ZC3H11C: variants seen among roughly 807,000 people sequenced by gnomAD.
ZC3H11C encodes zinc finger CCCH-type containing 11C, also known as zinc finger CCCH domain-containing protein 11C.
chr6:65,302,100 T>TTTTTG, the ZC3H11C span, among the ~76,000 whole-genome samples: 1 of 152,168 alleles, frequency 6.6e-6, no homozygotes, highest in South Asian at 2.1e-4. Flanking sequence ...TGAACTCTTT[T>TTTTTG]TTTTGTTTTG....
At chr6:65,302,001 T>A in the ZC3H11C span, among the ~76,000 whole-genome samples, 1 of 152,254 alleles carries the variant, frequency 6.6e-6, no homozygotes, top group Non-Finnish European at 1.5e-5. Context: ...ACTGAAAAAC[T>A]GATTTTTTTT....
the ZC3H11C span, among the ~76,000 whole-genome samples, chr6:65,306,030 C>T: frequency 6.6e-6 from 1 of 152,100 alleles, no homozygotes; most frequent in East Asian, 1.9e-4. Flanking sequence ...ATGTTGGTTT[C>T]CTTCATATCA....
At chr6:65,302,096 C>CT in the ZC3H11C span, among the ~76,000 whole-genome samples, 25 of 152,132 alleles carry the variant, frequency 1.6e-4, no homozygotes, top group South Asian at 8.3e-4. Flanking sequence ...TAAATGAACT[C>CT]TTTTTTTTGT....
chr6:65,306,020 A>G, the ZC3H11C span, among the ~76,000 whole-genome samples: 2 of 152,078 alleles, frequency 1.3e-5, no homozygotes, highest in African/African-American at 2.4e-5. Flanking sequence ...TCTTTTCTTG[A>G]TGTTGGTTTC....
At chr6:65,305,312 T>C in the ZC3H11C span, among the ~76,000 whole-genome samples, 1 of 152,226 alleles carries the variant, frequency 6.6e-6, no homozygotes. Context: ...TCCTTTGTTG[T>C]ATTCTTTATG....
the ZC3H11C span, among the ~76,000 whole-genome samples, chr6:65,305,214 C>CA: frequency 9.4e-3 from 1,424 of 152,094 alleles, 25 homozygotes; most frequent in African/African-American, 0.033. Context: ...CTTCTCTCCA[C>CA]AAAAAAGAGA....
At chr6:65,301,855 G>C in the ZC3H11C span, among the ~76,000 whole-genome samples, 1 of 152,200 alleles carries the variant, frequency 6.6e-6, no homozygotes, top group East Asian at 1.9e-4. Context: ...CAAGGTTCTG[G>C]ACCTTGAGAA....
the ZC3H11C span, among the ~76,000 whole-genome samples, chr6:65,305,634 G>T: frequency 6.6e-6 from 1 of 152,054 alleles, no homozygotes; most frequent in African/African-American, 2.4e-5. Flanking sequence ...TGCCTCAGGG[G>T]TCCCCTGAAA....
chr6:65,305,449 C>G, the ZC3H11C span, among the ~76,000 whole-genome samples: 3 of 152,278 alleles, frequency 2.0e-5, no homozygotes, highest in African/African-American at 7.2e-5. Context: ...GATTGTATGT[C>G]TTTTTAAAGG....
the ZC3H11C span, among the ~76,000 whole-genome samples, chr6:65,301,885 A>G: frequency 1.3e-5 from 2 of 152,236 alleles, no homozygotes; most frequent in African/African-American, 4.8e-5. Context: ...GGAACTAGAG[A>G]TAGTGATGCT....
At chr6:65,305,814 C>A in the ZC3H11C span, among the ~76,000 whole-genome samples, 1 of 152,090 alleles carries the variant, frequency 6.6e-6, no homozygotes, top group African/African-American at 2.4e-5. Context: ...ATTTCTAATT[C>A]TCCCAACAAA....
At chr6:65,301,639 G>T in the ZC3H11C span, among the ~76,000 whole-genome samples, 1 of 152,240 alleles carries the variant, frequency 6.6e-6, no homozygotes, top group Non-Finnish European at 1.5e-5. Context: ...GAAAGCCACC[G>T]ACCTTATTCC....
the ZC3H11C span, among the ~76,000 whole-genome samples, chr6:65,302,041 A>C: frequency 1.3e-5 from 2 of 152,238 alleles, no homozygotes; most frequent in Non-Finnish European, 2.9e-5. Flanking sequence ...TCAGCTATGG[A>C]AGATGGATTT....
the ZC3H11C span, among the ~76,000 whole-genome samples, chr6:65,302,168 G>A: frequency 6.6e-6 from 1 of 152,196 alleles, no homozygotes; most frequent in African/African-American, 2.4e-5. Flanking sequence ...TATTTGAATG[G>A]ACTTAATCTC....
the ZC3H11C span, among the ~76,000 whole-genome samples, chr6:65,305,911 G>A: frequency 2.0e-5 from 3 of 152,116 alleles, no homozygotes; most frequent in East Asian, 1.9e-4. Flanking sequence ...TTATCTATGG[G>A]CTGTAGCAGT....
chr6:65,301,726 A>G, the ZC3H11C span, among the ~76,000 whole-genome samples: 719 of 152,292 alleles, frequency 4.7e-3, 1 homozygote, highest in African/African-American at 0.016. Flanking sequence ...AGCAACAGGG[A>G]CACTTCCGTA....
the ZC3H11C span, among the ~76,000 whole-genome samples, chr6:65,306,103 T>C: frequency 6.6e-6 from 1 of 152,118 alleles, no homozygotes; most frequent in African/African-American, 2.4e-5. Context: ...AAAGGAGATA[T>C]GTTGTATATA....
At chr6:65,305,400 T>C in the ZC3H11C span, among the ~76,000 whole-genome samples, 1 of 152,228 alleles carries the variant, frequency 6.6e-6, no homozygotes, top group African/African-American at 2.4e-5. Context: ...CCAAATTTTA[T>C]GCTACCACTA....
chr6:65,301,672 C>T, the ZC3H11C span, among the ~76,000 whole-genome samples: 418 of 152,364 alleles, frequency 2.7e-3, no homozygotes, highest in African/African-American at 9.5e-3. Context: ...CCATTCCCCA[C>T]CCTCATTACA....
Sources: gnomAD v4.1 joint callset for allele counts (sites outside exome capture counted in the v4.1 genomes callset) on GRCh38, gnomAD v4.1.1 for gene constraint, MANE v1.5 for transcripts, NCBI Gene and HGNC (gene_info 2026-07-23, HGNC 2026-07-21) for gene names.